The following MYO5B variants were observed in gnomAD, a reference collection of about 807,000 sequenced individuals.
MYO5B encodes the protein unconventional myosin-Vb.
MYO5B carries 143 observed loss-of-function variants against 229.3 expected under a neutral mutation model. The observed-to-expected ratio is 0.62, with a 90% CI of 0.54 to 0.72. The LOEUF (loss-of-function observed/expected upper bound fraction) is 0.72. MYO5B is among the 30% of genes least tolerant of loss of function. The pLI is 0.00. For missense variants in MYO5B, 2,321 were observed against 2,331.0 expected, an observed-to-expected ratio of 1.00 and a Z score of 0.09; for synonymous variants, 918 against 885.2, an observed-to-expected ratio of 1.04 and a Z score of -0.66.
intron 1 of MYO5B, among the ~76,000 whole-genome samples, chr18:50,192,252 T>C (rs2033238732): frequency 1.3e-5 from 2 of 152,212 alleles, no homozygotes; most frequent in African/African-American, 4.8e-5. Context: ...CCAGATCAAC[T>C]GCAGACAACA....
In MYO5B at chr18:49,826,571, T is replaced by A; in HGVS notation, c.5447A>T (p.His1816Leu). ...AAATGGAAACAAAACAGGAAACATG[T>A]GCTTGGCATCTAATAGCAGTTGCTG... ...DPQQLLLDAK[H>L]MFPVLFPFNP... The change falls in exon 40 of 40, where the codon CAC becomes CTC. Residue 1816 changes from histidine (H) to leucine (L), a missense_variant. This residue lies in a region of MYO5B where 208 missense variants were observed against 286.3 expected (regional missense o/e 0.73). Coordinates refer to ENST00000285039, the MANE Select transcript of MYO5B (RefSeq NM_001080467.3). The A allele has an allele frequency of 6.2e-7, 1 of 1,614,016 alleles. No individual in the cohort carries two copies.
rs762928118 is a variant in MYO5B at position 50,040,233 on chromosome 18, G to T, written c.220C>A (p.Leu74Met). 6.2e-7 allele frequency: 1 copy of T among 1,614,066 alleles called. No individual in the cohort carries two copies. Among genetic ancestry groups the T allele is most frequent in the Non-Finnish European group, 8.5e-7 (1 of 1,179,996 alleles). Residue 74 changes from leucine (L) to methionine (M), a missense_variant, in exon 3 of 40, where the codon CTG becomes ATG. Leu to Met is a conservative substitution (Grantham distance 15). This residue lies in a region of MYO5B where 2,113 missense variants were observed against 2,044.7 expected (regional missense o/e 1.03). Coordinates refer to ENST00000285039, the MANE Select transcript of MYO5B (RefSeq NM_001080467.3). ...NPDILVGEND[L>M]TALSYLHEPA... The stretch of plus-strand genomic sequence containing the variant: ...TCATGAAGATAGCTAAGGGCAGTCA[G>T]GTCATTTTCTCCCACCAAGATATCT...
At position 49,937,465 on chromosome 18, in the gene MYO5B, C is replaced by T; in HGVS notation, c.1753-68G>A. ...GCACCTTACATGTTTCCTCTCAAAG[C>T]TGCTTTTCAACATATACCTGAGAAC... On this transcript the variant is annotated intron_variant, in intron 14 of 39. Coordinates refer to ENST00000285039, the MANE Select transcript of MYO5B (RefSeq NM_001080467.3). 4 of 1,567,004 alleles carry T rather than the reference C, an allele frequency of 2.6e-6. No homozygotes were observed. In the South Asian group the frequency reaches 4.5e-5, roughly 18 times the overall value.
intron 1 of MYO5B, among the ~76,000 whole-genome samples, chr18:50,162,599 C>T (rs1323608310): frequency 6.6e-6 from 1 of 152,196 alleles, no homozygotes; most frequent in Admixed American, 6.5e-5. Context: ...ACATCTTTGG[C>T]ATATTCCAAA....
At chr18:50,080,160 TAC>T (rs2031184426) in intron 1 of MYO5B, among the ~76,000 whole-genome samples, 1 of 152,188 alleles carries the variant, frequency 6.6e-6, no homozygotes, top group African/African-American at 2.4e-5. Flanking sequence ...CATCAACCAG[TAC>T]CGCTTTAAAA....
intron 5 of MYO5B, among the ~76,000 whole-genome samples, chr18:49,997,796 C>T (rs1367796415): frequency 6.6e-6 from 1 of 152,142 alleles, no homozygotes; most frequent in Non-Finnish European, 1.5e-5. Flanking sequence ...CCTCCTCAGA[C>T]CTTCAACTCT....
intron 28 of MYO5B, 148 bp from the exon 29 acceptor site, chr18:49,863,475 C>T: frequency 1.4e-6 from 1 of 727,664 alleles, no homozygotes; most frequent in East Asian, 2.7e-5. Flanking sequence ...ACGCCAGGAA[C>T]ATGACTCCAA....
At position 49,875,701 on chromosome 18, in the gene MYO5B, T is replaced by C; in HGVS notation, c.3523A>G (p.Ser1175Gly). 6.2e-7 allele frequency: 1 copy of C among 1,614,186 alleles called. No homozygotes were observed. Among genetic ancestry groups the C allele is most frequent in the African/African-American group, 1.3e-5 (1 of 75,056 alleles). The change falls in exon 26 of 40, where the codon AGC becomes GGC. Residue 1175 changes from serine (S) to glycine (G), a missense_variant. Ser to Gly is a moderately conservative substitution (Grantham distance 56). This residue lies in a region of MYO5B where 2,113 missense variants were observed against 2,044.7 expected (regional missense o/e 1.03). Coordinates refer to ENST00000285039, the MANE Select transcript of MYO5B (RefSeq NM_001080467.3). ...VQLEKREQQD[S>G]KKVQAEPPQT... ...CCTTCACGTACCTGGACTTTCTTGCTGTCCTGCTGTTCTCTCTTCTCCAGC... is the reference window on the plus strand; with the variant it reads ...CCTTCACGTACCTGGACTTTCTTGCCGTCCTGCTGTTCTCTCTTCTCCAGC...
Position 49,953,324 on chromosome 18 carries a change from CCAT to C in MYO5B, c.1685_1687del (p.Asp562del). 1 of 1,614,144 alleles carries C rather than the reference CCAT, an allele frequency of 6.2e-7. No individual in the cohort carries two copies. Among genetic ancestry groups the C allele is most frequent in the Non-Finnish European group, 8.5e-7 (1 of 1,180,032 alleles). ...CGTGTCTCTGTTTTTCTCCAGAAAA[CCAT>C]CAGAGAGGTACTCCACCTGGGGCCA... On this transcript the variant is annotated inframe_deletion, in exon 14 of 40. Coordinates refer to ENST00000285039, the MANE Select transcript of MYO5B (RefSeq NM_001080467.3).
At chr18:50,043,635 TTAAA>T (rs2030133605) in intron 2 of MYO5B, among the ~76,000 whole-genome samples, 1 of 135,872 alleles carries the variant, frequency 7.4e-6, no homozygotes, top group Admixed American at 8.2e-5. Flanking sequence ...TATAAATATA[TTAAA>T]TATATTTATA....
intron 1 of MYO5B, among the ~76,000 whole-genome samples, chr18:50,074,549 T>C (rs1173442100): frequency 6.6e-6 from 1 of 152,210 alleles, no homozygotes; most frequent in South Asian, 2.1e-4. Context: ...TCTAGCTCGA[T>C]AGGTCTTTTC....
chr18:49,987,682 G>T (rs2025885741), intron 7 of MYO5B, among the ~76,000 whole-genome samples: 1 of 152,112 alleles, frequency 6.6e-6, no homozygotes, highest in African/African-American at 2.4e-5. Flanking sequence ...TCTGACCTAT[G>T]CAAGGCCAGA....
intron 14 of MYO5B, among the ~76,000 whole-genome samples, chr18:49,951,821 C>T (rs939793567): frequency 3.3e-5 from 5 of 152,164 alleles, no homozygotes; most frequent in Non-Finnish European, 5.9e-5. Flanking sequence ...GAAGGGGATC[C>T]TAGTGCTCAG....
intron 1 of MYO5B, among the ~76,000 whole-genome samples, chr18:50,182,947 A>C (rs2033093536): frequency 6.6e-6 from 1 of 152,160 alleles, no homozygotes; most frequent in Non-Finnish European, 1.5e-5. Flanking sequence ...TGAGGCTAAG[A>C]TTCTACCTAC....
At chr18:50,047,267 A>C (rs905223477) in intron 2 of MYO5B, among the ~76,000 whole-genome samples, 35 of 152,346 alleles carry the variant, frequency 2.3e-4, no homozygotes, top group Non-Finnish European at 5.9e-5. Flanking sequence ...ACCCCATCAA[A>C]AAGTGGGTGA....
At chr18:49,877,987 A>T in intron 24 of MYO5B, 105 bp from the exon 25 acceptor site, 1 of 1,372,820 alleles carries the variant, frequency 7.3e-7, no homozygotes, top group East Asian at 2.3e-5. Flanking sequence ...TAATTTGTCA[A>T]CAAGAATAGG....
chr18:49,933,487 G>A (rs1324969031), intron 16 of MYO5B, among the ~76,000 whole-genome samples: 2 of 152,244 alleles, frequency 1.3e-5, no homozygotes, highest in South Asian at 4.1e-4. Flanking sequence ...AGAAAGCAGA[G>A]GAAAAAGCCT....
chr18:49,945,387 C>T (rs975195721), intron 14 of MYO5B, among the ~76,000 whole-genome samples: 1 of 152,168 alleles, frequency 6.6e-6, no homozygotes, highest in Non-Finnish European at 1.5e-5. Flanking sequence ...AGAATCCTGT[C>T]CTCACCCTAC....
At chr18:50,126,921 G>A (rs1219843161) in intron 1 of MYO5B, among the ~76,000 whole-genome samples, 1 of 152,154 alleles carries the variant, frequency 6.6e-6, no homozygotes, top group Non-Finnish European at 1.5e-5. Flanking sequence ...TGACATACAG[G>A]AAGTTTTTAC....
Sources: allele counts gnomAD v4.1 joint callset (sites outside exome capture counted in the v4.1 genomes callset), GRCh38; gene constraint gnomAD v4.1.1; regional missense constraint gnomAD v4.1.1; transcripts MANE v1.5; gene names NCBI Gene and HGNC (gene_info 2026-07-23, HGNC 2026-07-21).